The following LRFN2 variants were observed in gnomAD, a reference collection of about 807,000 sequenced individuals.
The protein encoded by LRFN2 is leucine-rich repeat and fibronectin type-III domain-containing protein 2.
A neutral mutation model predicts 37.3 loss-of-function variants in LRFN2; 18 were observed. That is an observed-to-expected ratio of 0.48 (90% CI 0.33 to 0.72). LRFN2 has a LOEUF of 0.72. Among genes scored for constraint, LRFN2 ranks in the 30% least tolerant of loss-of-function variants. The probability of loss-of-function intolerance (pLI) is 0.02; values close to 1 mark genes in which losing one functional copy is unlikely to be tolerated. For missense variants in LRFN2, 1,006 were observed against 1,060.7 expected, an observed-to-expected ratio of 0.95 and a Z score of 0.72; for synonymous variants, 556 against 466.6, an observed-to-expected ratio of 1.19 and a Z score of -2.47.
intron 1 of LRFN2, among the ~76,000 whole-genome samples, chr6:40,526,227 C>T (rs773456406): frequency 5.3e-5 from 8 of 152,180 alleles, no homozygotes; most frequent in East Asian, 1.9e-4. Context: ...CAGCGTGCTC[C>T]GCAGCTAGTC....
chr6:40,497,596 G>C (rs1199210004), intron 1 of LRFN2, among the ~76,000 whole-genome samples: 1 of 152,146 alleles, frequency 6.6e-6, no homozygotes, highest in Non-Finnish European at 1.5e-5. Flanking sequence ...CATGTCTATG[G>C]GGAACAGAAA....
At chr6:40,429,468 T>G (rs1763430117) in intron 2 of LRFN2, among the ~76,000 whole-genome samples, 1 of 152,230 alleles carries the variant, frequency 6.6e-6, no homozygotes, top group African/African-American at 2.4e-5. Flanking sequence ...AGAAATATAT[T>G]TATTTTCAAA....
At position 40,502,803 on chromosome 6, in the gene LRFN2, C is replaced by G. The variant is rs9349156; in HGVS notation, c.-18-69672G>C. On this transcript the variant is annotated intron_variant, in intron 1 of 2. Transcript: ENST00000338305. ...GCCCAGACAGACATGGCACCTGCCCCCATACAGCTTAGAGTCGAGCGTTGG... is the reference window on the plus strand; with the variant it reads ...GCCCAGACAGACATGGCACCTGCCCGCATACAGCTTAGAGTCGAGCGTTGG... 2.4e-4 allele frequency among the ~76,000 whole-genome samples: 37 copies of G among 152,332 alleles called. 1 individual carries two copies. In the East Asian group the frequency reaches 7.0e-3, roughly 29 times the overall value.
At chr6:40,437,597 G>A (rs1275542306) in intron 1 of LRFN2, among the ~76,000 whole-genome samples, 1 of 152,216 alleles carries the variant, frequency 6.6e-6, no homozygotes, top group African/African-American at 2.4e-5. Flanking sequence ...GAAGATTACT[G>A]ACAGAGAAGT....
At chr6:40,522,831 A>G (rs1030409813) in intron 1 of LRFN2, among the ~76,000 whole-genome samples, 1 of 152,216 alleles carries the variant, frequency 6.6e-6, no homozygotes, top group African/African-American at 2.4e-5. Flanking sequence ...ACAGCCACTC[A>G]TGCCTTCCCT....
Position 40,458,785 on chromosome 6 carries a change from G to A in LRFN2, c.-18-25654C>T, listed in dbSNP as rs779312043. On this transcript the variant is annotated intron_variant, in intron 1 of 2. Coordinates refer to ENST00000338305, the MANE Select transcript of LRFN2 (RefSeq NM_020737.3). ...CTTTCCAATTCCCAGGAGCTGGGTA[G>A]TTGCCAGCCACCCAGCCCCAACAAC... 5.3e-5 allele frequency among the ~76,000 whole-genome samples: 8 copies of A among 152,292 alleles called. No homozygotes were observed. In the South Asian group the frequency reaches 1.7e-3, roughly 32 times the overall value.
At chr6:40,475,467 G>C (rs1164961172) in intron 1 of LRFN2, among the ~76,000 whole-genome samples, 2 of 152,158 alleles carry the variant, frequency 1.3e-5, no homozygotes, top group Non-Finnish European at 2.9e-5. Context: ...AGGCCTCAGG[G>C]GCTGGTGGGG....
intron 2 of LRFN2, among the ~76,000 whole-genome samples, chr6:40,416,567 G>T (rs1460816564): frequency 2.6e-5 from 4 of 152,204 alleles, no homozygotes; most frequent in Non-Finnish European, 5.9e-5. Context: ...TTTAAAGACA[G>T]AAGAACCAAG....
chr6:40,411,196 G>C (rs1038657233), intron 2 of LRFN2, among the ~76,000 whole-genome samples: 2 of 152,222 alleles, frequency 1.3e-5, no homozygotes, highest in African/African-American at 4.8e-5. Context: ...TCCCTCTCCT[G>C]CTCCAGCTGG....
At chr6:40,431,689 G>A in intron 2 of LRFN2, 25 bp downstream of exon 2, 1 of 1,499,222 alleles carries the variant, frequency 6.7e-7, no homozygotes, top group Admixed American at 2.3e-5. Context: ...CACCCTCCCT[G>A]CCTTTGCCAC....
chr6:40,447,566 T>C (rs182908080), intron 1 of LRFN2, among the ~76,000 whole-genome samples: 5 of 152,298 alleles, frequency 3.3e-5, no homozygotes, highest in Admixed American at 6.5e-5. Flanking sequence ...TTGACTTTGC[T>C]CAAATAATTC....
intron 1 of LRFN2, among the ~76,000 whole-genome samples, chr6:40,486,673 C>T (rs746746651): frequency 6.6e-6 from 1 of 152,076 alleles, no homozygotes; most frequent in Non-Finnish European, 1.5e-5. Context: ...AAGGGATTTA[C>T]GCAGTGAAAG....
At chr6:40,394,298 A>C (rs898321719) in intron 2 of LRFN2, among the ~76,000 whole-genome samples, 2 of 152,076 alleles carry the variant, frequency 1.3e-5, no homozygotes, top group African/African-American at 4.8e-5. Context: ...TGTCACTTCC[A>C]TAAACACTCC....
At chr6:40,555,221 C>T (rs891780531) in intron 1 of LRFN2, among the ~76,000 whole-genome samples, 50 of 152,298 alleles carry the variant, frequency 3.3e-4, no homozygotes, top group African/African-American at 1.1e-3. Flanking sequence ...TTGGCTCCTG[C>T]CCACTGCCCC....
chr6:40,537,838 G>A lies in LRFN2; in HGVS notation c.-19+49103C>T, dbSNP rs909031133. 3.9e-5 allele frequency among the ~76,000 whole-genome samples: 6 copies of A among 152,040 alleles called. No homozygotes were observed. The South Asian group carries it at 1.2e-3, about 32-fold the overall frequency. Reference sequence around the variant, plus strand: ...GGAGGGAGGGGACATATGAGGGAGGGGCTAAGCACAGGACCCCTCCCAGCC... The same window carrying A: ...GGAGGGAGGGGACATATGAGGGAGGAGCTAAGCACAGGACCCCTCCCAGCC... On this transcript the variant is annotated intron_variant, in intron 1 of 2. Transcript: ENST00000338305.
Position 40,458,942 on chromosome 6 carries a change from C to T in LRFN2, c.-18-25811G>A, listed in dbSNP as rs571443946. 3.6e-4 allele frequency among the ~76,000 whole-genome samples: 55 copies of T among 152,340 alleles called. 1 individual carries two copies. The highest frequency in any genetic ancestry group is 6.6e-4 in the Non-Finnish European group (45 of 68,034). The stretch of plus-strand genomic sequence containing the variant: ...GCTCTGTGAGAGGAAAATACACTTC[C>T]GTCTTATTTAAGCCATTCTCTTTTC... On this transcript the variant is annotated intron_variant, in intron 1 of 2. Coordinates refer to ENST00000338305, the MANE Select transcript of LRFN2 (RefSeq NM_020737.3).
intron 1 of LRFN2, among the ~76,000 whole-genome samples, chr6:40,445,845 A>G (rs941515828): frequency 1.3e-5 from 2 of 152,226 alleles, no homozygotes; most frequent in Admixed American, 6.5e-5. Flanking sequence ...TCAATACCTC[A>G]GTTTCCTCAC....
At position 40,532,944 on chromosome 6, in the gene LRFN2, A is replaced by G. The variant is rs114990739; in HGVS notation, c.-19+53997T>C. On this transcript the variant is annotated intron_variant, in intron 1 of 2. Transcript: ENST00000338305. ...ATCCGTAGCTTAGTTCACCTGGACT[A>G]TGGGTCAAGTACCAAGAAGTGACAG... is the stretch of plus-strand genomic sequence containing the variant. Among the ~76,000 whole-genome samples, 84 of 152,330 alleles carry G rather than the reference A, an allele frequency of 5.5e-4. 1 individual carries two copies. Among genetic ancestry groups the G allele is most frequent in the African/African-American group, 1.9e-3 (80 of 41,584 alleles).
chr6:40,535,944 T>C (rs975740595), intron 1 of LRFN2, among the ~76,000 whole-genome samples: 1 of 152,034 alleles, frequency 6.6e-6, no homozygotes, highest in Non-Finnish European at 1.5e-5. Flanking sequence ...TGCAGCTGGC[T>C]CAGCGATGCA....
Sources: gnomAD v4.1 joint callset for allele counts (sites outside exome capture counted in the v4.1 genomes callset) on GRCh38, gnomAD v4.1.1 for gene constraint, MANE v1.5 for transcripts, NCBI Gene and HGNC (gene_info 2026-07-23, HGNC 2026-07-21) for gene names.